SATL1: variants seen among roughly 807,000 people sequenced by gnomAD.
SATL1 encodes spermidine/spermine N(1)-acetyltransferase-like protein 1.
A neutral mutation model predicts 51.8 loss-of-function variants in SATL1; 47 were observed. The observed-to-expected ratio is 0.91, with a 90% CI of 0.72 to 1.16. The LOEUF is 1.16. Among genes scored for constraint, SATL1 ranks in the 50% most tolerant of loss-of-function variants. The probability of loss-of-function intolerance (pLI) is 0.00; values close to 1 mark genes in which losing one functional copy is unlikely to be tolerated. For synonymous variants in SATL1, 176 were observed against 182.4 expected (o/e 0.97, Z 0.28); for missense variants, 520 against 526.4 (o/e 0.99, Z 0.12).
At position 85,119,414 on chromosome X, in the gene SATL1, T is replaced by C. The variant is rs780031652; in HGVS notation, c.-312-10134A>G. Among the ~76,000 whole-genome samples, 6 of 111,817 alleles carry C rather than the reference T, an allele frequency of 5.4e-5. No homozygotes were observed. In the East Asian group the frequency reaches 1.7e-3, roughly 31 times the overall value. On this transcript the variant is annotated intron_variant, in intron 2 of 7. Transcript: ENST00000644105. Reference sequence around the variant, plus strand: ...GTTCCAGATTCAGAGCTAGTATGACTCCAGAGCCCACTGCTCTCCATCAGA... The same window carrying C: ...GTTCCAGATTCAGAGCTAGTATGACCCCAGAGCCCACTGCTCTCCATCAGA...
intron 6 of SATL1, 53 bp from the exon 7 acceptor site, chrX:85,093,278 T>C (rs1924585221): frequency 1.1e-5 from 12 of 1,074,426 alleles, no homozygotes; most frequent in Non-Finnish European, 1.5e-5. Context: ...TAACTTGTTA[T>C]TTGCTTTAGT....
At chrX:85,150,048 C>G (rs960511743) in intron 2 of SATL1, among the ~76,000 whole-genome samples, 1 of 110,827 alleles carries the variant, frequency 9.0e-6, no homozygotes, top group Non-Finnish European at 1.9e-5. Flanking sequence ...AAAGGATCAA[C>G]AAAATTGATA....
rs951812133 is a variant in SATL1, at chrX:85,118,103, T to C, written c.-312-8823A>G. 5.1e-5 allele frequency among the ~76,000 whole-genome samples: 5 copies of C among 98,466 alleles called. No individual in the cohort carries two copies. The East Asian group carries it at 9.4e-4, about 19-fold the overall frequency. The allele number at this position is 98,466 out of a possible 115,157, so 85.5% of individuals were successfully genotyped here. ...AGAACTTAGCTTTTTTTTTTTTTTTTCCAGAGTGCAGTCTAGAGAAAGAGG... is the reference window on the plus strand; with the variant it reads ...AGAACTTAGCTTTTTTTTTTTTTTTCCCAGAGTGCAGTCTAGAGAAAGAGG... On this transcript the variant is annotated intron_variant, in intron 2 of 7. Transcript: ENST00000644105.
intron 2 of SATL1, among the ~76,000 whole-genome samples, chrX:85,150,426 A>G (rs1268381033): frequency 1.8e-5 from 2 of 109,266 alleles, no homozygotes; most frequent in Admixed American, 9.8e-5. Context: ...AACTATTCCA[A>G]TCAATAGAAA....
rs186906346 is a variant in SATL1, at chrX:85,142,119, G to A, written c.-312-32839C>T. ...TTTTTTAGAAATTGAAGTAGAGGCC[G>A]GTCACGGTGGCTCACGCCTGTAATC... is the stretch of plus-strand genomic sequence containing the variant. On this transcript the variant is annotated intron_variant, in intron 2 of 7. Transcript: ENST00000644105. Among the ~76,000 whole-genome samples, 118 of 107,272 alleles carry A rather than the reference G, an allele frequency of 1.1e-3. No individual in the cohort carries two copies. In the East Asian group the frequency reaches 0.027, roughly 24 times the overall value. 93.2% of individuals were successfully genotyped at this position (107,272 alleles called of 115,157 possible).
chrX:85,129,995 C>T (rs75392601), intron 2 of SATL1, among the ~76,000 whole-genome samples: 1 of 111,786 alleles, frequency 8.9e-6, no homozygotes, highest in Non-Finnish European at 1.9e-5. Context: ...AGGGTTGAAG[C>T]CAACTTGTTC....
At chrX:85,115,257 C>G (rs965886381) in intron 2 of SATL1, among the ~76,000 whole-genome samples, 1 of 112,250 alleles carries the variant, frequency 8.9e-6, no homozygotes, top group African/African-American at 3.2e-5. Context: ...CTCCTCCTCC[C>G]AAAGGAGGGC....
chrX:85,104,266 A>G (rs1924974716), intron 3 of SATL1, among the ~76,000 whole-genome samples: 1 of 111,920 alleles, frequency 8.9e-6, no homozygotes, highest in Non-Finnish European at 1.9e-5. Flanking sequence ...TATGAAGCTC[A>G]TAGGCTTTAC....
At chrX:85,161,515 A>C (rs1047243816) in intron 2 of SATL1, among the ~76,000 whole-genome samples, 1 of 110,315 alleles carries the variant, frequency 9.1e-6, no homozygotes, top group African/African-American at 3.3e-5. Context: ...CAGGGGCTGC[A>C]ATCCTAATTT....
chrX:85,152,998 T>TAAA (rs35172254), intron 2 of SATL1, among the ~76,000 whole-genome samples: 1 of 108,214 alleles, frequency 9.2e-6, no homozygotes, highest in Non-Finnish European at 1.9e-5. Flanking sequence ...AAATAAAAAT[T>TAAA]AAAAAAAAAT....
At chrX:85,172,839 G>A (rs755581491) in intron 2 of SATL1, among the ~76,000 whole-genome samples, 12 of 110,779 alleles carry the variant, frequency 1.1e-4, no homozygotes, top group Non-Finnish European at 1.9e-4. Flanking sequence ...GTTATTAGCT[G>A]GTTTGGGAGC....
intron 1 of SATL1, among the ~76,000 whole-genome samples, chrX:85,229,802 T>C (rs182704082): frequency 4.8e-4 from 54 of 111,834 alleles, no homozygotes; most frequent in African/African-American, 1.4e-3. Flanking sequence ...AACAATGAAC[T>C]ATTAGAAAAG....
chrX:85,102,412 T>C (rs924031035), intron 4 of SATL1, among the ~76,000 whole-genome samples: 4 of 111,798 alleles, frequency 3.6e-5, no homozygotes, highest in Admixed American at 9.6e-5. Context: ...ATGTATTGAA[T>C]GTCACTGAAT....
In SATL1 at chrX:85,092,402, A is replaced by G; in HGVS notation, c.2077T>C (p.Trp693Arg). ...TTACAAAGCCTCTTTCATTCTTCCCATGCCATGTCCAGGAGTTCTTCTCTG... is the reference window on the plus strand; with the variant it reads ...TTACAAAGCCTCTTTCATTCTTCCCGTGCCATGTCCAGGAGTTCTTCTCTG... ...FNREELLDMA[W>R]EE The change falls in exon 8 of 8, where the codon TGG becomes CGG. Residue 693 changes from tryptophan to arginine, a missense_variant. By Grantham distance (101) the Trp-to-Arg change is moderately radical. Around this residue, in one of 3 missense-constraint regions of SATL1, gnomAD observed 488 missense variants for 474.3 expected, o/e 1.03. Transcript: ENST00000644105. 2 of 1,169,919 alleles carry G rather than the reference A, an allele frequency of 1.7e-6. No homozygotes were observed. The highest frequency in any genetic ancestry group is 2.3e-6 in the Non-Finnish European group (2 of 875,002).
intron 2 of SATL1, among the ~76,000 whole-genome samples, chrX:85,167,230 A>T (rs1261866854): frequency 1.1e-5 from 1 of 93,606 alleles, no homozygotes; most frequent in Non-Finnish European, 2.1e-5. Context: ...TGATATAATG[A>T]ACTCTGGGGA....
intron 2 of SATL1, among the ~76,000 whole-genome samples, chrX:85,184,634 C>G (rs898055458): frequency 1.6e-4 from 18 of 111,987 alleles, no homozygotes; most frequent in African/African-American, 4.5e-4. Flanking sequence ...TTCAGTGTGT[C>G]AATTGCATTT....
At chrX:85,150,535 T>A (rs1164952320) in intron 2 of SATL1, among the ~76,000 whole-genome samples, 4 of 110,180 alleles carry the variant, frequency 3.6e-5, no homozygotes, top group African/African-American at 9.9e-5. Flanking sequence ...TAGACCAATA[T>A]CCTTGATGAA....
chrX:85,242,231 C>T (rs1219381025), intron 1 of SATL1, among the ~76,000 whole-genome samples: 4 of 112,340 alleles, frequency 3.6e-5, no homozygotes, highest in Admixed American at 9.4e-5. Flanking sequence ...CTTTGAGTGT[C>T]CTGTTGGAAT....
chrX:85,218,038 C>T (rs1928087331), intron 2 of SATL1, among the ~76,000 whole-genome samples: 3 of 111,158 alleles, frequency 2.7e-5, no homozygotes, highest in Non-Finnish European at 3.8e-5. Context: ...ACTGCATGTT[C>T]TCACTTATAA....
Sources: allele counts gnomAD v4.1 joint callset (sites outside exome capture counted in the v4.1 genomes callset), GRCh38; gene constraint gnomAD v4.1.1; regional missense constraint gnomAD v4.1.1; transcripts MANE v1.5; gene names NCBI Gene and HGNC (gene_info 2026-07-23, HGNC 2026-07-21).